The following CELF4 variants were observed in gnomAD, a reference collection of about 807,000 sequenced individuals.
The protein encoded by CELF4 is CUG-BP- and ETR-3-like factor 4.
In CELF4, 18 loss-of-function variants were observed where a neutral mutation model predicts 59.9. That is an observed-to-expected ratio of 0.30 (90% confidence interval 0.21 to 0.45). The LOEUF (loss-of-function observed/expected upper bound fraction) is 0.45, where lower values mean the gene tolerates loss of function less well. CELF4 is among the 20% of genes least tolerant of loss of function. The pLI, the probability that CELF4 is intolerant of heterozygous loss-of-function variation, is 1.00. For missense variants in CELF4, 456 were observed against 689.0 expected (o/e 0.66, Z 3.79); for synonymous variants, 261 against 267.1 (o/e 0.98, Z 0.22).
At chr18:37,321,968 G>T in intron 2 of CELF4, 87 bp from the exon 3 acceptor site, 1 of 1,041,972 alleles carries the variant, frequency 9.6e-7, no homozygotes, top group Non-Finnish European at 1.4e-6. Context: ...AGGTGAATGC[G>T]AGTATACAGA....
At position 37,263,985 on chromosome 18, in the gene CELF4, G is replaced by A. The variant is rs529465702; in HGVS notation, c.1249+689C>T. 3.0e-3 allele frequency among the ~76,000 whole-genome samples: 454 copies of A among 152,164 alleles called. 1 individual carries two copies. The highest frequency in any genetic ancestry group is 0.01 in the Middle Eastern group (3 of 294). Reference sequence around the variant, plus strand: ...TGCCCACCAGAGGAGGGGGATTCTTGGACCCCACCTCCTCTGGGGCTTCCC... The same window carrying A: ...TGCCCACCAGAGGAGGGGGATTCTTAGACCCCACCTCCTCTGGGGCTTCCC... On this transcript the variant is annotated intron_variant, in intron 10 of 12. Coordinates refer to ENST00000420428, the MANE Select transcript of CELF4 (RefSeq NM_020180.4).
chr18:37,496,158 C>T (rs2099925029), intron 1 of CELF4, among the ~76,000 whole-genome samples: 1 of 152,224 alleles, frequency 6.6e-6, no homozygotes, highest in African/African-American at 2.4e-5. Context: ...GTAACCCTCC[C>T]AGCTTCTCAG....
intron 2 of CELF4, among the ~76,000 whole-genome samples, chr18:37,345,918 C>T (rs1415268064): frequency 6.6e-6 from 1 of 152,114 alleles, no homozygotes; most frequent in African/African-American, 2.4e-5. Flanking sequence ...CTGAGGCTCC[C>T]AGTGCATGCC....
intron 2 of CELF4, among the ~76,000 whole-genome samples, chr18:37,407,591 A>ATG (rs1336917737): frequency 3.0e-4 from 29 of 96,170 alleles, no homozygotes; most frequent in Admixed American, 2.5e-3. Flanking sequence ...GTGTGGGTAT[A>ATG]TGTGTATATA....
At chr18:37,275,373 G>A (rs1417560565) in intron 3 of CELF4, 130 bp from the exon 4 acceptor site, 4 of 866,866 alleles carry the variant, frequency 4.6e-6, no homozygotes, top group South Asian at 1.8e-5. Context: ...CGGAGCCGGC[G>A]GGGGAGAGGT....
At chr18:37,264,839 G>T in intron 9 of CELF4, 82 bp from the exon 10 acceptor site, 2 of 1,199,588 alleles carry the variant, frequency 1.7e-6, no homozygotes, top group Non-Finnish European at 1.2e-6. Flanking sequence ...TTCAGTGCAG[G>T]CAGTAAAAGC....
intron 2 of CELF4, among the ~76,000 whole-genome samples, chr18:37,441,273 CTGTG>C (rs36008798): frequency 0.1 from 14,252 of 143,196 alleles, 752 homozygotes; most frequent in East Asian, 0.16. Context: ...CTCAACAATG[CTGTG>C]TGTGTGTGTG....
intron 2 of CELF4, among the ~76,000 whole-genome samples, chr18:37,419,635 G>A (rs1191817260): frequency 6.6e-6 from 1 of 152,190 alleles, no homozygotes; most frequent in Non-Finnish European, 1.5e-5. Flanking sequence ...CTGGTCAGGT[G>A]GTCAGCCTGG....
chr18:37,439,036 C>A (rs537415161), intron 2 of CELF4, among the ~76,000 whole-genome samples: 4 of 152,318 alleles, frequency 2.6e-5, no homozygotes, highest in Admixed American at 1.3e-4. Flanking sequence ...CACCTGAGAG[C>A]CCAGCAGCCT....
intron 11 of CELF4, among the ~76,000 whole-genome samples, chr18:37,256,725 C>G (rs2069777376): frequency 6.6e-6 from 1 of 152,124 alleles, no homozygotes. Context: ...GGTGGGATTA[C>G]AGGCGCACAC....
intron 3 of CELF4, among the ~76,000 whole-genome samples, chr18:37,288,703 G>A (rs1431271863): frequency 6.6e-6 from 1 of 152,140 alleles, no homozygotes; most frequent in Non-Finnish European, 1.5e-5. Flanking sequence ...CACCTGGAAG[G>A]GCTGCACCAT....
chr18:37,447,458 G>A (rs920674263), intron 2 of CELF4, among the ~76,000 whole-genome samples: 6 of 152,194 alleles, frequency 3.9e-5, no homozygotes, highest in Non-Finnish European at 7.4e-5. Flanking sequence ...CTTGCACCCC[G>A]TGCTCCTTTA....
chr18:37,456,231 T>C (rs2099777881), intron 2 of CELF4, among the ~76,000 whole-genome samples: 1 of 152,112 alleles, frequency 6.6e-6, no homozygotes, highest in Non-Finnish European at 1.5e-5. Context: ...GGCCTTTTGC[T>C]TCTGAGGCCT....
At chr18:37,434,055 G>T (rs2099680448) in intron 2 of CELF4, among the ~76,000 whole-genome samples, 1 of 152,196 alleles carries the variant, frequency 6.6e-6, no homozygotes, top group Admixed American at 6.5e-5. Flanking sequence ...GGGTGCCAAG[G>T]GCCGGACTAA....
At chr18:37,390,777 G>C (rs565519680) in intron 2 of CELF4, among the ~76,000 whole-genome samples, 2 of 123,654 alleles carry the variant, frequency 1.6e-5, no homozygotes, top group Non-Finnish European at 3.4e-5. Flanking sequence ...CTGGGTGGAC[G>C]GGAAGGCTGG....
At chr18:37,500,995 C>T (rs2099931228) in intron 1 of CELF4, among the ~76,000 whole-genome samples, 1 of 152,212 alleles carries the variant, frequency 6.6e-6, no homozygotes, top group African/African-American at 2.4e-5. Context: ...TCTACCCTTC[C>T]TGTGAGGTGT....
intron 3 of CELF4, among the ~76,000 whole-genome samples, chr18:37,304,630 C>T (rs890268017): frequency 2.0e-5 from 3 of 152,242 alleles, no homozygotes; most frequent in African/African-American, 7.2e-5. Context: ...GAGGCAGGTT[C>T]ATTTTTAGGC....
chr18:37,523,695 C>T (rs1024107704), intron 1 of CELF4, among the ~76,000 whole-genome samples: 2 of 152,230 alleles, frequency 1.3e-5, no homozygotes, highest in South Asian at 2.1e-4. Context: ...AGGAGCCCCA[C>T]TTACGGAGAT....
At chr18:37,491,120 C>T (rs1254591198) in intron 1 of CELF4, among the ~76,000 whole-genome samples, 1 of 152,030 alleles carries the variant, frequency 6.6e-6, no homozygotes, top group East Asian at 1.9e-4. Context: ...ATGGCACCCT[C>T]TTCTCACCCG....
Sources: allele counts gnomAD v4.1 joint callset (sites outside exome capture counted in the v4.1 genomes callset), GRCh38; gene constraint gnomAD v4.1.1; transcripts MANE v1.5; gene names NCBI Gene and HGNC (gene_info 2026-07-23, HGNC 2026-07-21).